AP1AR: variants seen among roughly 807,000 people sequenced by gnomAD.
The protein encoded by AP1AR is AP-1 complex-associated regulatory protein.
A neutral mutation model predicts 46.3 loss-of-function variants in AP1AR; 29 were observed. That is an observed-to-expected ratio of 0.63 (90% confidence interval 0.47 to 0.85). The LOEUF is 0.85. Ranked by LOEUF, AP1AR falls within the 40% of genes least tolerant of loss-of-function variation. The pLI is 0.00. For missense variants in AP1AR, 357 were observed against 356.3 expected, an observed-to-expected ratio of 1.00 and a Z score of -0.02; for synonymous variants, 122 against 122.9, an observed-to-expected ratio of 0.99 and a Z score of 0.05.
intron 1 of AP1AR, among the ~76,000 whole-genome samples, chr4:112,249,320 T>G (rs918939968): frequency 1.4e-5 from 2 of 146,902 alleles, no homozygotes; most frequent in African/African-American, 2.5e-5. Context: ...ACCTTCCTCC[T>G]CCAATCACGA....
At chr4:112,261,241 T>G (rs1274727523) in intron 5 of AP1AR, among the ~76,000 whole-genome samples, 1 of 152,146 alleles carries the variant, frequency 6.6e-6, no homozygotes, top group Non-Finnish European at 1.5e-5. Flanking sequence ...GAGACCAGCC[T>G]CAGCAACATG....
At chr4:112,233,073 G>A (rs1009699097) in intron 1 of AP1AR, among the ~76,000 whole-genome samples, 9 of 152,144 alleles carry the variant, frequency 5.9e-5, no homozygotes, top group Non-Finnish European at 1.2e-4. Flanking sequence ...TCTGAACCAA[G>A]CCAGTTTGTG....
intron 9 of AP1AR, 36 bp from the exon 10 acceptor site, chr4:112,268,108 G>A: frequency 2.7e-6 from 4 of 1,503,606 alleles, no homozygotes; most frequent in Non-Finnish European, 3.5e-6. Flanking sequence ...TTTATTATCT[G>A]TTCTGAGATT....
At position 112,263,003 on chromosome 4, in the gene AP1AR, G is replaced by A; in HGVS notation, c.298G>A (p.Glu100Lys). Reference protein sequence around the residue: ...KIQKELALQEEKLRLEEEALY... With the variant: ...KIQKELALQEKKLRLEEEALY... Reference sequence around the variant, plus strand: ...TCATGTACAGTTAGCCTTACAAGAAGAGAAGTTAAGACTAGAAGAAGAAGC... The same window carrying A: ...TCATGTACAGTTAGCCTTACAAGAAAAGAAGTTAAGACTAGAAGAAGAAGC... The change falls in exon 6 of 10, where the codon GAG becomes AAG. Residue 100 changes from glutamate (E) to lysine (K), a missense_variant. Physicochemically the swap from Glu to Lys is moderately conservative, Grantham distance 56. This residue lies in a region of AP1AR where 269 missense variants were observed against 223.6 expected (regional missense o/e 1.20). Coordinates refer to ENST00000274000, the MANE Select transcript of AP1AR (RefSeq NM_018569.6). The A allele has an allele frequency of 6.2e-7, 1 of 1,613,656 alleles. No homozygotes were observed. Among genetic ancestry groups the A allele is most frequent in the Non-Finnish European group, 8.5e-7 (1 of 1,179,742 alleles).
In AP1AR at chr4:112,267,956, C is replaced by T. The variant is rs375877207; in HGVS notation, c.644-188C>T. 1.6e-3 allele frequency among the ~76,000 whole-genome samples: 248 copies of T among 152,072 alleles called. 1 individual carries two copies. The highest frequency in any genetic ancestry group is 2.7e-3 in the Non-Finnish European group (181 of 67,884). ...GGTGACTGTTAATATTTATTTTTAT[C>T]TGAGGCATACTTCAGGGTTAGAACC... is the stretch of plus-strand genomic sequence containing the variant. On this transcript the variant is annotated intron_variant, in intron 9 of 9. Transcript: ENST00000274000.
rs1007310740 is a variant in AP1AR, at chr4:112,271,320, T to G, written c.*2911T>G. On this transcript the variant is annotated 3_prime_UTR_variant, in exon 10 of 10. Coordinates refer to ENST00000274000, the MANE Select transcript of AP1AR (RefSeq NM_018569.6). ...GCCGTGAGGCAATTTCTCATCCAGC[T>G]GGTTTCCAGTGACCTCACTCTCATT... is the stretch of plus-strand genomic sequence containing the variant. Among the ~76,000 whole-genome samples, 3 of 152,270 alleles carry G rather than the reference T, an allele frequency of 2.0e-5. No homozygotes were observed. The highest frequency in any genetic ancestry group is 7.2e-5 in the African/African-American group (3 of 41,468).
intron 3 of AP1AR, 180 bp downstream of exon 3, chr4:112,254,953 A>G (rs1198914300): frequency 2.7e-6 from 1 of 371,114 alleles, no homozygotes; most frequent in African/African-American, 2.1e-5. Flanking sequence ...ATATTAGAAA[A>G]TAATTCCGAA....
At position 112,253,268 on chromosome 4, in the gene AP1AR, T is replaced by G; in HGVS notation, c.132+12T>G. ...ACTTAACAATAGAGGTAAGTAGTCC[T>G]TAATTTGATTGAATTAAAAATGCCT... On this transcript the variant is annotated intron_variant, in intron 2 of 9. Coordinates refer to ENST00000274000, the MANE Select transcript of AP1AR (RefSeq NM_018569.6). The G allele has an allele frequency of 6.2e-7, 1 of 1,603,298 alleles. No individual in the cohort carries two copies. The highest frequency in any genetic ancestry group is 8.5e-7 in the Non-Finnish European group (1 of 1,173,350).
chr4:112,255,899 C>T (rs771562434), intron 3 of AP1AR, among the ~76,000 whole-genome samples: 5 of 152,186 alleles, frequency 3.3e-5, no homozygotes, highest in Non-Finnish European at 4.4e-5. Flanking sequence ...TAATTGTGTA[C>T]GTTTCTGCAA....
intron 3 of AP1AR, 116 bp downstream of exon 3, chr4:112,254,889 C>T: frequency 1.9e-6 from 1 of 517,444 alleles, no homozygotes; most frequent in Non-Finnish European, 3.1e-6. Flanking sequence ...TTTTTATTTT[C>T]TGGTTTTTAT....
intron 1 of AP1AR, among the ~76,000 whole-genome samples, chr4:112,245,156 A>T (rs1438013379): frequency 6.6e-6 from 1 of 152,178 alleles, no homozygotes; most frequent in Non-Finnish European, 1.5e-5. Flanking sequence ...CACCAGATTT[A>T]TATACTCCTA....
intron 4 of AP1AR, 36 bp downstream of exon 4, chr4:112,257,833 A>G (rs1158591872): frequency 6.6e-7 from 1 of 1,520,120 alleles, no homozygotes; most frequent in Non-Finnish European, 8.8e-7. Flanking sequence ...CAAAACTTCT[A>G]TGCAAACTGT....
At chr4:112,264,918 G>A (rs1399267869) in intron 6 of AP1AR, 91 bp from the exon 7 acceptor site, 2 of 963,042 alleles carry the variant, frequency 2.1e-6, no homozygotes, top group Non-Finnish European at 1.5e-6. Flanking sequence ...TTAGAAACTA[G>A]AAAAAAATAC....
intron 4 of AP1AR, among the ~76,000 whole-genome samples, chr4:112,258,920 G>A (rs1726320019): frequency 6.6e-6 from 1 of 152,170 alleles, no homozygotes; most frequent in African/African-American, 2.4e-5. Flanking sequence ...CCTATAAATG[G>A]CTAGTTAACC....
At chr4:112,236,052 G>T (rs914789268) in intron 1 of AP1AR, among the ~76,000 whole-genome samples, 2 of 151,700 alleles carry the variant, frequency 1.3e-5, no homozygotes, top group Middle Eastern at 6.8e-3. Context: ...CCATTCCTAT[G>T]ATTTCAACCA....
chr4:112,256,532 GT>G (rs1306929913), intron 3 of AP1AR, among the ~76,000 whole-genome samples: 1 of 152,044 alleles, frequency 6.6e-6, no homozygotes, highest in Non-Finnish European at 1.5e-5. Context: ...TTTAATTTTT[GT>G]TTTTGCTAAC....
intron 3 of AP1AR, among the ~76,000 whole-genome samples, chr4:112,255,827 T>C (rs543612254): frequency 6.6e-6 from 1 of 152,364 alleles, no homozygotes; most frequent in South Asian, 2.1e-4. Flanking sequence ...CTAAGAAGCA[T>C]TTCTTATGCA....
At chr4:112,267,316 A>G (rs908770602) in intron 9 of AP1AR, among the ~76,000 whole-genome samples, 1 of 151,948 alleles carries the variant, frequency 6.6e-6, no homozygotes, top group African/African-American at 2.4e-5. Flanking sequence ...TCTGTTACCA[A>G]TGTTGATTCT....
intron 1 of AP1AR, among the ~76,000 whole-genome samples, chr4:112,250,385 G>A (rs879859943): frequency 2.6e-5 from 4 of 152,118 alleles, no homozygotes; most frequent in Admixed American, 6.5e-5. Flanking sequence ...CCATTAGGAC[G>A]TTGGCTTTCT....
Sources: gnomAD v4.1 joint callset for allele counts (sites outside exome capture counted in the v4.1 genomes callset) on GRCh38, gnomAD v4.1.1 for gene constraint, gnomAD v4.1.1 regional missense constraint, MANE v1.5 for transcripts, NCBI Gene and HGNC (gene_info 2026-07-23, HGNC 2026-07-21) for gene names.